The following MLLT10 variants were observed in gnomAD, a reference collection of about 807,000 sequenced individuals.
MLLT10 encodes the protein MLLT10 histone lysine methyltransferase DOT1L cofactor.
In MLLT10, 30 loss-of-function variants were observed where a neutral mutation model predicts 129.1. The ratio of observed to expected loss-of-function variants is 0.23; its 90% confidence interval spans 0.17 to 0.32. MLLT10 has a LOEUF of 0.32. Among genes scored for constraint, MLLT10 ranks in the 10% least tolerant of loss-of-function variants. The pLI is 1.00. For missense variants in MLLT10, 1,119 were observed against 1,268.3 expected (o/e 0.88, Z 1.79); for synonymous variants, 490 against 446.4 (o/e 1.10, Z -1.23).
At chr10:21,546,003 G>A (rs2036015376) in intron 3 of MLLT10, among the ~76,000 whole-genome samples, 1 of 152,108 alleles carries the variant, frequency 6.6e-6, no homozygotes. Context: ...CTGAATTACT[G>A]CAGGCTGCAG....
intron 14 of MLLT10, among the ~76,000 whole-genome samples, chr10:21,721,803 A>T (rs1209919565): frequency 6.6e-6 from 1 of 152,116 alleles, no homozygotes; most frequent in African/African-American, 2.4e-5. Flanking sequence ...TTTAAAAGTG[A>T]CTTAAGCTTA....
chr10:21,639,660 A>G (rs1424799725), intron 8 of MLLT10, among the ~76,000 whole-genome samples: 2 of 152,082 alleles, frequency 1.3e-5, no homozygotes, highest in African/African-American at 2.4e-5. Flanking sequence ...TGATTGGACA[A>G]AGGTATGATC....
At chr10:21,638,060 G>T (rs1012723806) in intron 8 of MLLT10, among the ~76,000 whole-genome samples, 1 of 151,822 alleles carries the variant, frequency 6.6e-6, no homozygotes, top group African/African-American at 2.4e-5. Flanking sequence ...ACATGGTTTG[G>T]AGAGTGATTT....
At chr10:21,557,126 CT>C (rs2038129701) in intron 3 of MLLT10, 12 of 1,385,202 alleles carry the variant, frequency 8.7e-6, no homozygotes, top group Non-Finnish European at 1.1e-5. Flanking sequence ...GCCCTTTTGT[CT>C]TTTCCTCTTC....
At chr10:21,735,348 AAAAAGTTTTTC>A (rs2058275724) in intron 21 of MLLT10, 113 bp downstream of exon 21, 1 of 939,960 alleles carries the variant, frequency 1.1e-6, no homozygotes, top group Admixed American at 2.4e-5. Context: ...TGCATAATCA[AAAAAGTTTTTC>A]TTGCCATGTG....
intron 3 of MLLT10, among the ~76,000 whole-genome samples, chr10:21,570,306 G>C (rs1217924733): frequency 1.4e-5 from 2 of 144,986 alleles, no homozygotes; most frequent in Non-Finnish European, 3.0e-5. Flanking sequence ...CTCCTGGCCT[G>C]AAGTGATTTT....
Position 21,538,829 on chromosome 10 carries a change from A to ACTTTT in MLLT10, c.161-3_161-2insTTTTC. On this transcript the variant is annotated splice_polypyrimidine_tract_variant and splice_region_variant and intron_variant, in intron 2 of 22. Transcript: ENST00000307729. ...ACATTTTAACACATTTCATTTTTCA[A>ACTTTT]CAGCTTGCTATGGCATTGTTCAAGT... The ACTTTT allele has an allele frequency of 6.2e-7, 1 of 1,606,466 alleles. No individual in the cohort carries two copies. The highest frequency in any genetic ancestry group is 8.5e-7 in the Non-Finnish European group (1 of 1,175,452).
chr10:21,629,482 C>G (rs373318228), intron 8 of MLLT10, among the ~76,000 whole-genome samples: 44 of 152,256 alleles, frequency 2.9e-4, no homozygotes, highest in African/African-American at 9.9e-4. Flanking sequence ...TGGAGGCTTT[C>G]TACCACACCT....
intron 14 of MLLT10, among the ~76,000 whole-genome samples, chr10:21,720,233 C>T (rs528226141): frequency 6.6e-6 from 1 of 152,328 alleles, no homozygotes; most frequent in African/African-American, 2.4e-5. Flanking sequence ...ATACGTTAAG[C>T]TCCTAACAAT....
intron 9 of MLLT10, among the ~76,000 whole-genome samples, chr10:21,665,805 G>A (rs1589521458): frequency 1.3e-5 from 2 of 151,582 alleles, no homozygotes; most frequent in African/African-American, 2.4e-5. Context: ...CTCGGCTCAC[G>A]GCAACCTCTG....
At chr10:21,610,595 A>G (rs555677346) in intron 5 of MLLT10, among the ~76,000 whole-genome samples, 1 of 150,324 alleles carries the variant, frequency 6.7e-6, no homozygotes, top group Non-Finnish European at 1.5e-5. Flanking sequence ...GAGATCTCCC[A>G]TTCTGGATGT....
At chr10:21,703,084 C>T (rs1026392403) in intron 13 of MLLT10, among the ~76,000 whole-genome samples, 9 of 151,916 alleles carry the variant, frequency 5.9e-5, no homozygotes, top group East Asian at 1.9e-4. Flanking sequence ...ATTTGCTTTA[C>T]TCCAGTGAGT....
intron 4 of MLLT10, among the ~76,000 whole-genome samples, chr10:21,592,855 C>T (rs191747500): frequency 6.6e-6 from 1 of 152,142 alleles, no homozygotes; most frequent in Non-Finnish European, 1.5e-5. Flanking sequence ...GTCTTCTGTT[C>T]TGGAAAATTT....
intron 6 of MLLT10, among the ~76,000 whole-genome samples, chr10:21,613,839 G>A (rs186553807): frequency 1.2e-3 from 188 of 152,028 alleles, no homozygotes; most frequent in African/African-American, 4.0e-3. Flanking sequence ...CCAGAAGGCC[G>A]AGGTTGCAGT....
rs35036202 is a variant in MLLT10 at position 21,726,681 on chromosome 10, C to CTTTTTTTTTTTTT, written c.1990+339_1990+351dup. Among the ~76,000 whole-genome samples, 12 of 87,604 alleles carry CTTTTTTTTTTTTT rather than the reference C, an allele frequency of 1.4e-4. 1 individual carries two copies. The highest frequency in any genetic ancestry group is 3.5e-4 in the African/African-American group (8 of 22,942). 57.5% of individuals were successfully genotyped at this position (87,604 alleles called of 152,430 possible). On this transcript the variant is annotated intron_variant, in intron 15 of 22. Transcript: ENST00000307729. ...TGCTGTGCTGCAAAATAGCAATGTC[C>CTTTTTTTTTTTTT]TTTTTTTTTTTTTTTTTTTTTTTTT...
intron 2 of MLLT10, among the ~76,000 whole-genome samples, chr10:21,538,212 T>A (rs1361938494): frequency 6.6e-6 from 1 of 151,428 alleles, no homozygotes; most frequent in Non-Finnish European, 1.5e-5. Context: ...TTGCCCAGGC[T>A]GGAGTGCAAT....
chr10:21,651,105 A>G (rs561606986), intron 8 of MLLT10, among the ~76,000 whole-genome samples: 21 of 151,690 alleles, frequency 1.4e-4, no homozygotes, highest in African/African-American at 5.1e-4. Context: ...GGAGTCTCAC[A>G]CTGTTGCCCA....
rs1711588276 is a variant in MLLT10 at position 21,595,600 on chromosome 10, T to C, written c.405+160T>C. ...AGTTATTAAAATGTTATTAATATGT[T>C]ACTAAGGTCACAGGAGTACAAAGCA... is the stretch of plus-strand genomic sequence containing the variant. On this transcript the variant is annotated intron_variant, in intron 5 of 22. Coordinates refer to ENST00000307729, the MANE Select transcript of MLLT10 (RefSeq NM_001195626.3). 9.0e-6 allele frequency: 5 copies of C among 556,832 alleles called. No individual in the cohort carries two copies. In the Admixed American group the frequency reaches 1.2e-4, roughly 14 times the overall value. The allele number at this position is 556,832 out of a possible 1,614,324, so 34.5% of individuals were successfully genotyped here.
rs1391135368 is a variant in MLLT10, at chr10:21,624,536, T to A, written c.699+7329T>A. On this transcript the variant is annotated intron_variant, in intron 8 of 22. Transcript: ENST00000307729. ...TAAACAAAATTTTTTTTGAAGAATG[T>A]AGATCTAGAGCCAGTCGTATCTTGC... The A allele has an allele frequency of 2.0e-5, 22 of 1,089,556 alleles. No homozygotes were observed. The East Asian group carries it at 2.7e-4, about 13-fold the overall frequency. The allele number at this position is 1,089,556 out of a possible 1,614,324, so 67.5% of individuals were successfully genotyped here. A position where few individuals can be genotyped will look rare whatever the true frequency, so the allele number is the denominator to read the frequency against.
Sources: allele counts gnomAD v4.1 joint callset (sites outside exome capture counted in the v4.1 genomes callset), GRCh38; gene constraint gnomAD v4.1.1; transcripts MANE v1.5; gene names NCBI Gene and HGNC (gene_info 2026-07-23, HGNC 2026-07-21).